Variants in SH3RF3 observed in about 807,000 individuals in gnomAD.
SH3RF3 encodes E3 ubiquitin-protein ligase SH3RF3.
SH3RF3 carries 29 observed loss-of-function variants against 66.3 expected under a neutral mutation model. The observed-to-expected ratio is 0.44, with a 90% confidence interval of 0.33 to 0.60. The LOEUF (loss-of-function observed/expected upper bound fraction) is 0.60. Among genes scored for constraint, SH3RF3 ranks in the 20% least tolerant of loss-of-function variants. The pLI, the probability that SH3RF3 is intolerant of heterozygous loss-of-function variation, is 0.04. For missense variants in SH3RF3, 1,194 were observed against 1,190.9 expected, an observed-to-expected ratio of 1.00 and a Z score of -0.04; for synonymous variants, 583 against 532.0, an observed-to-expected ratio of 1.10 and a Z score of -1.32.
chr2:109,144,847 C>T (rs988880269), intron 1 of SH3RF3, among the ~76,000 whole-genome samples: 17 of 152,174 alleles, frequency 1.1e-4, no homozygotes, highest in Middle Eastern at 3.2e-3. Context: ...GGGCAGGGGG[C>T]GGAAGGCATG....
At chr2:109,203,363 T>C (rs531079550) in intron 1 of SH3RF3, among the ~76,000 whole-genome samples, 3 of 152,316 alleles carry the variant, frequency 2.0e-5, no homozygotes, top group African/African-American at 7.2e-5. Flanking sequence ...TATGCTGCCC[T>C]GTTGTGAGAC....
At position 109,181,513 on chromosome 2, in the gene SH3RF3, A is replaced by T. The variant is rs73952867; in HGVS notation, c.573+51400A>T. Among the ~76,000 whole-genome samples the T allele has an allele frequency of 9.0e-3, 1,367 of 152,326 alleles. 27 individuals are homozygous for T. The highest frequency in any genetic ancestry group is 0.031 in the African/African-American group (1,282 of 41,566). ...CACACACACGCACACTAACAAACAC[A>T]GCAGAAAAGTACCCAAAAGTTTCTT... On this transcript the variant is annotated intron_variant, in intron 1 of 9. Transcript: ENST00000309415.
chr2:109,163,643 C>G (rs191307494), intron 1 of SH3RF3, among the ~76,000 whole-genome samples: 6 of 151,924 alleles, frequency 3.9e-5, no homozygotes, highest in Non-Finnish European at 8.8e-5. Context: ...TCGTGATCCG[C>G]CCGCCTCGGC....
intron 6 of SH3RF3, among the ~76,000 whole-genome samples, chr2:109,433,477 G>T (rs1316007594): frequency 6.6e-6 from 1 of 152,232 alleles, no homozygotes; most frequent in East Asian, 1.9e-4. Context: ...ATATCAGTCA[G>T]CCTCACTCAC....
chr2:109,420,735 G>A (rs568062344), intron 5 of SH3RF3, among the ~76,000 whole-genome samples: 12 of 152,202 alleles, frequency 7.9e-5, no homozygotes, highest in Admixed American at 5.2e-4. Context: ...ATGAGCCACC[G>A]CGCCCGGCCA....
chr2:109,387,387 A>G (rs1481523345), intron 3 of SH3RF3, among the ~76,000 whole-genome samples: 1 of 152,162 alleles, frequency 6.6e-6, no homozygotes, highest in African/African-American at 2.4e-5. Context: ...GGGGCCCAGA[A>G]GCTTCAGCAC....
chr2:109,358,624 C>T (rs1034345816), intron 2 of SH3RF3, among the ~76,000 whole-genome samples: 7 of 152,220 alleles, frequency 4.6e-5, no homozygotes, highest in Non-Finnish European at 7.3e-5. Context: ...ACTCACCATT[C>T]AATCAGACTG....
intron 1 of SH3RF3, among the ~76,000 whole-genome samples, chr2:109,171,484 G>A (rs527997282): frequency 2.6e-4 from 40 of 152,264 alleles, no homozygotes; most frequent in Non-Finnish European, 5.3e-4. Flanking sequence ...CCCCTACCCC[G>A]ACCCCTCACT....
rs115389633 is a variant in SH3RF3, at chr2:109,136,702, A to T, written c.573+6589A>T. Among the ~76,000 whole-genome samples, 357 of 152,298 alleles carry T rather than the reference A, an allele frequency of 2.3e-3. 10 individuals carry two copies. In the South Asian group the frequency reaches 0.03, roughly 13 times the overall value. Reference sequence around the variant, plus strand: ...ACATTGTTAACTGATGCAAACGAAGATATGATGGTATTTGCATTTCCACTT... The same window carrying T: ...ACATTGTTAACTGATGCAAACGAAGTTATGATGGTATTTGCATTTCCACTT... On this transcript the variant is annotated intron_variant, in intron 1 of 9. Transcript: ENST00000309415.
At chr2:109,397,786 C>T (rs973242958) in intron 3 of SH3RF3, among the ~76,000 whole-genome samples, 11 of 152,208 alleles carry the variant, frequency 7.2e-5, no homozygotes, top group African/African-American at 2.2e-4. Flanking sequence ...GTGGCTTAGC[C>T]GGCCAGGAGG....
chr2:109,353,166 C>T (rs1448587750), intron 2 of SH3RF3, among the ~76,000 whole-genome samples: 4 of 152,368 alleles, frequency 2.6e-5, no homozygotes, highest in Admixed American at 2.0e-4. Context: ...CCCACCTCAC[C>T]CAGTCCTTGC....
chr2:109,352,457 C>A (rs1457893419), intron 2 of SH3RF3, among the ~76,000 whole-genome samples: 2 of 152,222 alleles, frequency 1.3e-5, no homozygotes, highest in African/African-American at 4.8e-5. Flanking sequence ...CCAGCAGAGC[C>A]AGGCGATGGG....
intron 2 of SH3RF3, among the ~76,000 whole-genome samples, chr2:109,361,773 T>C (rs1347364446): frequency 6.6e-6 from 1 of 152,344 alleles, no homozygotes; most frequent in Non-Finnish European, 1.5e-5. Context: ...TAAAGGCCTA[T>C]TGAATTATAT....
At chr2:109,190,701 CA>C (rs1172986904) in intron 1 of SH3RF3, among the ~76,000 whole-genome samples, 1 of 152,144 alleles carries the variant, frequency 6.6e-6, no homozygotes, top group Admixed American at 6.5e-5. Context: ...TGATGGTCTT[CA>C]AAAAAATTTG....
At chr2:109,364,691 C>T (rs1559044499) in intron 2 of SH3RF3, among the ~76,000 whole-genome samples, 1 of 152,186 alleles carries the variant, frequency 6.6e-6, no homozygotes, top group Non-Finnish European at 1.5e-5. Context: ...TGTGAACTTC[C>T]CCAGTGCTTC....
chr2:109,355,827 A>G (rs1044187806), intron 2 of SH3RF3, among the ~76,000 whole-genome samples: 1 of 152,210 alleles, frequency 6.6e-6, no homozygotes, highest in East Asian at 1.9e-4. Flanking sequence ...GTATTTCTCC[A>G]TATACTAATG....
Position 109,339,435 on chromosome 2 carries a change from G to A in SH3RF3, c.574-8239G>A, listed in dbSNP as rs193174204. ...CCCTCCTGTCCTCTTGGTCTTCTGCGGTGGCTGGAGATCCAGGTCCCCAGT... is the reference window on the plus strand; with the variant it reads ...CCCTCCTGTCCTCTTGGTCTTCTGCAGTGGCTGGAGATCCAGGTCCCCAGT... On this transcript the variant is annotated intron_variant, in intron 1 of 9. Transcript: ENST00000309415. 9.3e-3 allele frequency among the ~76,000 whole-genome samples: 1,411 copies of A among 152,234 alleles called. 14 individuals carry two copies. The highest frequency in any genetic ancestry group is 0.015 in the Non-Finnish European group (1,005 of 68,026).
At chr2:109,170,251 TCTCTTCTC>T (rs1677734727) in intron 1 of SH3RF3, among the ~76,000 whole-genome samples, 1 of 15,200 alleles carries the variant, frequency 6.6e-5, no homozygotes, top group Non-Finnish European at 1.7e-4. Flanking sequence ...TCTTTTCTCT[TCTCTTCTC>T]TTCTCTTCTC....
intron 6 of SH3RF3, among the ~76,000 whole-genome samples, chr2:109,435,871 G>A (rs1677383705): frequency 6.6e-6 from 1 of 152,196 alleles, no homozygotes; most frequent in African/African-American, 2.4e-5. Context: ...AAGCTTGATT[G>A]CTGGGTGAAG....
Sources: gnomAD v4.1 joint callset for allele counts (sites outside exome capture counted in the v4.1 genomes callset) on GRCh38, gnomAD v4.1.1 for gene constraint, MANE v1.5 for transcripts, NCBI Gene and HGNC (gene_info 2026-07-23, HGNC 2026-07-21) for gene names.